PDPR: variants seen among roughly 807,000 people sequenced by gnomAD.
PDPR encodes the protein pyruvate dehydrogenase phosphatase regulatory subunit, mitochondrial.
PDPR carries 50 observed loss-of-function variants against 102.2 expected under a neutral mutation model. That is an observed-to-expected ratio of 0.49 (90% CI 0.39 to 0.62). PDPR has a LOEUF of 0.62. Ranked by LOEUF, PDPR falls within the 20% of genes least tolerant of loss-of-function variation. PDPR has a pLI of 0.00. For missense variants in PDPR, 625 were observed against 1,098.2 expected (o/e 0.57, Z 6.09); for synonymous variants, 259 against 406.0 (o/e 0.64, Z 4.35).
At chr16:70,121,915 C>G (rs1195791831) in intron 3 of PDPR, among the ~76,000 whole-genome samples, 4 of 152,222 alleles carry the variant, frequency 2.6e-5, no homozygotes, top group Non-Finnish European at 5.9e-5. Flanking sequence ...CTGACATGCA[C>G]CACCACATCT....
intron 11 of PDPR, among the ~76,000 whole-genome samples, chr16:70,139,460 A>G (rs1265423819): frequency 6.6e-6 from 1 of 152,254 alleles, no homozygotes; most frequent in Non-Finnish European, 1.5e-5. Context: ...TTTCTTTCCA[A>G]GTCAGAGAAT....
intron 17 of PDPR, among the ~76,000 whole-genome samples, chr16:70,151,472 A>T (rs1966735743): frequency 6.6e-6 from 1 of 152,300 alleles, no homozygotes; most frequent in African/African-American, 2.4e-5. Context: ...ACTCAGAAGT[A>T]TTACAACAAT....
intron 10 of PDPR, among the ~76,000 whole-genome samples, chr16:70,137,776 GGTCAC>G (rs1398291938): frequency 6.6e-6 from 1 of 152,256 alleles, no homozygotes; most frequent in Non-Finnish European, 1.5e-5. Context: ...AAGGAGATGT[GGTCAC>G]GTAACTGTAT....
intron 2 of PDPR, among the ~76,000 whole-genome samples, chr16:70,119,815 T>G (rs190657322): frequency 6.6e-6 from 1 of 150,906 alleles, no homozygotes; most frequent in African/African-American, 2.5e-5. Context: ...CAAATGTAAA[T>G]TTCATAAAGA....
intron 3 of PDPR, among the ~76,000 whole-genome samples, chr16:70,121,207 C>G (rs944972424): frequency 2.0e-5 from 3 of 151,972 alleles, no homozygotes; most frequent in African/African-American, 7.2e-5. Context: ...TCTCATTCCC[C>G]AAGAGAAATA....
intron 15 of PDPR, among the ~76,000 whole-genome samples, chr16:70,145,322 G>C (rs569211620): frequency 4.6e-5 from 7 of 152,242 alleles, no homozygotes; most frequent in Non-Finnish European, 1.0e-4. Context: ...ATTTTTAGTA[G>C]AGATGGGGTT....
At chr16:70,148,028 G>T (rs1206407242) in intron 16 of PDPR, among the ~76,000 whole-genome samples, 1 of 152,234 alleles carries the variant, frequency 6.6e-6, no homozygotes, top group Non-Finnish European at 1.5e-5. Flanking sequence ...TTGACCCCAG[G>T]ATAGCAGATT....
chr16:70,163,301 T>C (rs544095909), downstream of PDPR, among the ~76,000 whole-genome samples: 1 of 152,086 alleles, frequency 6.6e-6, no homozygotes, highest in South Asian at 2.1e-4. Context: ...CTTTTGAGAA[T>C]CTCATAGGTT....
chr16:70,123,944 A>G (rs1202699753), intron 3 of PDPR, among the ~76,000 whole-genome samples: 1 of 152,156 alleles, frequency 6.6e-6, no homozygotes, highest in Non-Finnish European at 1.5e-5. Flanking sequence ...AATCTCAGCT[A>G]CTCGGGAGGC....
At position 70,146,215 on chromosome 16, in the gene PDPR, G is replaced by A. The variant is rs752898088; in HGVS notation, c.1949G>A (p.Ser650Asn). 10 of 1,613,830 alleles carry A rather than the reference G, an allele frequency of 6.2e-6. No homozygotes were observed. The highest frequency in any genetic ancestry group is 5.5e-5 in the South Asian group (5 of 91,084). The change falls in exon 16 of 19, where the codon AGC becomes AAC. Residue 650 changes from serine to asparagine, a missense_variant. Around this residue, in one of 11 missense-constraint regions of PDPR, gnomAD observed 36 missense variants for 62.8 expected, o/e 0.57. Coordinates refer to ENST00000288050, the MANE Select transcript of PDPR (RefSeq NM_017990.5). ...CCTATGACTCCAGACCACTTCCCAA[G>A]CCTCTTTTGCAAGGTAAGTGCTGAT... ...YAPMTPDHFP[S>N]LFCKEMSVGY...
chr16:70,137,782 G>A (rs368030509), intron 10 of PDPR, among the ~76,000 whole-genome samples: 1 of 152,288 alleles, frequency 6.6e-6, no homozygotes, highest in Admixed American at 6.5e-5. Context: ...ATGTGGTCAC[G>A]TAACTGTATA....
In PDPR at chr16:70,146,079, A is replaced by G. The variant is rs550216365; in HGVS notation, c.1868-55A>G. 4.7e-5 allele frequency: 75 copies of G among 1,603,096 alleles called. No individual in the cohort carries two copies. In the East Asian group the frequency reaches 1.4e-3, roughly 29 times the overall value. ...AGCAAGTCTACAGTAGACCTTTCCC[A>G]TTGGCTCAGCTGTTCAGAAGGAGAG... On this transcript the variant is annotated intron_variant, in intron 15 of 18. Coordinates refer to ENST00000288050, the MANE Select transcript of PDPR (RefSeq NM_017990.5).
At chr16:70,120,335 G>C (rs1963108658) in intron 2 of PDPR, 126 bp from the exon 3 acceptor site, 5 of 625,488 alleles carry the variant, frequency 8.0e-6, no homozygotes, top group East Asian at 2.8e-5. Flanking sequence ...CAGGTGTGAG[G>C]CACCATGCCC....
In PDPR at chr16:70,157,553, C is replaced by A. The variant is rs60815141; in HGVS notation, c.*674C>A. The A allele has an allele frequency of 0.047, 9,319 of 196,286 alleles. 281 individuals carry two copies. The highest frequency in any genetic ancestry group is 0.21 in the African/African-American group (8,661 of 40,770). 12.2% of individuals were successfully genotyped at this position (196,286 alleles called of 1,614,324 possible). On this transcript the variant is annotated 3_prime_UTR_variant, in exon 19 of 19. Transcript: ENST00000288050. ...CCATTAGCAGACCTTTGGGCCAGGG[C>A]AGCCTCCCTATAATTTTCTTCATCT...
intron 9 of PDPR, among the ~76,000 whole-genome samples, chr16:70,134,281 A>G (rs1433171565): frequency 1.3e-5 from 2 of 152,064 alleles, no homozygotes; most frequent in African/African-American, 4.8e-5. Context: ...GCTGGAGTGC[A>G]GTGGTGCGAT....
In PDPR at chr16:70,157,410, A is replaced by C; in HGVS notation, c.*531A>C. ...GCTGTGCTGTGGGCTGGCACTCGAT[A>C]CCTCTGGCAAGAGGATGATTATCTA... On this transcript the variant is annotated 3_prime_UTR_variant, in exon 19 of 19. Coordinates refer to ENST00000288050, the MANE Select transcript of PDPR (RefSeq NM_017990.5). The C allele has an allele frequency of 2.8e-6, 1 of 358,432 alleles. No homozygotes were observed. The highest frequency in any genetic ancestry group is 2.1e-5 in the South Asian group (1 of 46,872). 22.2% of individuals were successfully genotyped at this position (358,432 alleles called of 1,614,324 possible). A position where few individuals can be genotyped will look rare whatever the true frequency, so the allele number is the denominator to read the frequency against.
Position 70,131,531 on chromosome 16 carries a change from T to C in PDPR, c.847+112T>C, listed in dbSNP as rs934636690. On this transcript the variant is annotated intron_variant, in intron 8 of 18. Transcript: ENST00000288050. ...TGTGTCTGAAAGAGTCTTTCATTTC[T>C]AGAGCATGTTACAGGGAGGTGGACC... is the stretch of plus-strand genomic sequence containing the variant. The C allele has an allele frequency of 1.6e-5, 19 of 1,206,734 alleles. No individual in the cohort carries two copies. In the African/African-American group the frequency reaches 2.6e-4, roughly 17 times the overall value. The allele number at this position is 1,206,734 out of a possible 1,614,324, so 74.8% of individuals were successfully genotyped here. A position where few individuals can be genotyped will look rare whatever the true frequency, so the allele number is the denominator to read the frequency against.
At chr16:70,147,812 C>G (rs1393649842) in intron 16 of PDPR, 2 of 358,292 alleles carry the variant, frequency 5.6e-6, no homozygotes, top group Admixed American at 3.7e-5. Flanking sequence ...GGACCCCTCC[C>G]AGCGTTTGCT....
downstream of PDPR, among the ~76,000 whole-genome samples, chr16:70,163,360 C>G (rs1967940530): frequency 1.3e-5 from 2 of 152,158 alleles, no homozygotes; most frequent in African/African-American, 4.8e-5. Flanking sequence ...TCAGCCCCTT[C>G]TATTCCAGTT....
Sources: gnomAD v4.1 joint callset for allele counts (sites outside exome capture counted in the v4.1 genomes callset) on GRCh38, gnomAD v4.1.1 for gene constraint, gnomAD v4.1.1 regional missense constraint, MANE v1.5 for transcripts, NCBI Gene and HGNC (gene_info 2026-07-23, HGNC 2026-07-21) for gene names.